IQGAP2: variants seen among roughly 807,000 people sequenced by gnomAD.
IQGAP2 encodes IQ motif containing GTPase activating protein 2, also known as ras GTPase-activating-like protein IQGAP2.
In IQGAP2, 173 loss-of-function variants were observed where a neutral mutation model predicts 201.3. The observed-to-expected ratio is 0.86, with a 90% CI of 0.76 to 0.98. The LOEUF (loss-of-function observed/expected upper bound fraction) is 0.98, where lower values mean the gene tolerates loss of function less well. Ranked by LOEUF, IQGAP2 falls within the 50% of genes least tolerant of loss-of-function variation. The pLI is 0.00. For missense variants in IQGAP2, 1,687 were observed against 1,864.8 expected (o/e 0.90, Z 1.76); for synonymous variants, 675 against 673.9 (o/e 1.00, Z -0.03).
intron 32 of IQGAP2, 67 bp downstream of exon 32, chr5:76,695,733 G>A: frequency 7.7e-7 from 1 of 1,304,864 alleles, no homozygotes; most frequent in Non-Finnish European, 1.1e-6. Flanking sequence ...GTCAAGTGCT[G>A]GGCACTCTGT....
chr5:76,536,065 CTTTT>C (rs545584812), intron 2 of IQGAP2, among the ~76,000 whole-genome samples: 2 of 123,732 alleles, frequency 1.6e-5, no homozygotes, highest in Non-Finnish European at 3.2e-5. Flanking sequence ...GGAGCATATT[CTTTT>C]TTTTTTTTTT....
intron 2 of IQGAP2, among the ~76,000 whole-genome samples, chr5:76,517,235 A>G (rs1758384736): frequency 6.6e-6 from 1 of 152,148 alleles, no homozygotes; most frequent in Non-Finnish European, 1.5e-5. Context: ...TTTATATATC[A>G]TCAGATACAT....
In IQGAP2 at chr5:76,546,728, C is replaced by T. The variant is rs114355286; in HGVS notation, c.147-15668C>T. Reference sequence around the variant, plus strand: ...GTGGGCAACACTGCCTTGGTCTTGCCGCTTGCACTGTGAACTGTAACTACG... The same window carrying T: ...GTGGGCAACACTGCCTTGGTCTTGCTGCTTGCACTGTGAACTGTAACTACG... On this transcript the variant is annotated intron_variant, in intron 2 of 35. Coordinates refer to ENST00000274364, the MANE Select transcript of IQGAP2 (RefSeq NM_006633.5). Among the ~76,000 whole-genome samples, 447 of 152,234 alleles carry T rather than the reference C, an allele frequency of 2.9e-3. 1 individual carries two copies. The highest frequency in any genetic ancestry group is 0.01 in the African/African-American group (424 of 41,518).
intron 11 of IQGAP2, among the ~76,000 whole-genome samples, chr5:76,604,883 C>T (rs1747691091): frequency 1.3e-5 from 2 of 152,224 alleles, no homozygotes; most frequent in African/African-American, 2.4e-5. Flanking sequence ...ATGGAAGACA[C>T]CGCATGTCAC....
chr5:76,452,734 T>C (rs928313733), intron 1 of IQGAP2, among the ~76,000 whole-genome samples: 2 of 152,270 alleles, frequency 1.3e-5, no homozygotes, highest in East Asian at 1.9e-4. Flanking sequence ...TGCAGGGAGA[T>C]AGTGGCACTT....
At chr5:76,450,860 T>C (rs1258849027) in intron 1 of IQGAP2, among the ~76,000 whole-genome samples, 1 of 152,214 alleles carries the variant, frequency 6.6e-6, no homozygotes, top group African/African-American at 2.4e-5. Context: ...GACTGTATTG[T>C]CAACATATCC....
At chr5:76,526,410 A>C (rs1758977616) in intron 2 of IQGAP2, among the ~76,000 whole-genome samples, 1 of 152,218 alleles carries the variant, frequency 6.6e-6, no homozygotes, top group Non-Finnish European at 1.5e-5. Context: ...CTTTACCTTT[A>C]GATTTTCTTA....
intron 26 of IQGAP2, 35 bp downstream of exon 26, chr5:76,674,071 C>T (rs1339791001): frequency 8.6e-7 from 1 of 1,165,628 alleles, no homozygotes; most frequent in Non-Finnish European, 1.3e-6. Flanking sequence ...CATAGCTTCT[C>T]CTGGGGGTAT....
At chr5:76,588,873 A>G (rs773999780) in intron 5 of IQGAP2, 33 bp from the exon 6 acceptor site, 1 of 1,338,748 alleles carries the variant, frequency 7.5e-7, no homozygotes, top group South Asian at 1.2e-5. Context: ...ATGATGATAA[A>G]ATTTCTGATA....
rs866148017 is a variant in IQGAP2 at position 76,403,582 on chromosome 5, C to T, written c.37C>T (p.Arg13Cys). The T allele has an allele frequency of 5.2e-6, 8 of 1,542,234 alleles. No individual in the cohort carries two copies. The highest frequency in any genetic ancestry group is 7.0e-6 in the Non-Finnish European group (8 of 1,149,362). ...AGAGCTGCCGTCGCTGCAGAGACCCCGCTATGGCTGTAAGTGCGCCGGGCG... is the reference window on the plus strand; with the variant it reads ...AGAGCTGCCGTCGCTGCAGAGACCCTGCTATGGCTGTAAGTGCGCCGGGCG... ...HEELPSLQRPRYGSIVDDERL... is the reference protein window; with the variant it reads ...HEELPSLQRPCYGSIVDDERL... Residue 13 changes from arginine to cysteine, a missense_variant, in exon 1 of 36, where the codon CGC (arginine) becomes TGC (cysteine). Transcript: ENST00000274364. This position sits in a 1 kb window ranked among gnomAD's most constrained non-coding sequence, Gnocchi z 4.8.
At chr5:76,474,563 T>G (rs911419519) in intron 2 of IQGAP2, among the ~76,000 whole-genome samples, 1 of 152,118 alleles carries the variant, frequency 6.6e-6, no homozygotes, top group Admixed American at 6.5e-5. Flanking sequence ...TGTCCCTGGG[T>G]TGCTTTTTTG....
chr5:76,574,585 T>C (rs1745343228), intron 4 of IQGAP2, among the ~76,000 whole-genome samples: 1 of 152,228 alleles, frequency 6.6e-6, no homozygotes, highest in African/African-American at 2.4e-5. Context: ...CTGTTTCTTA[T>C]CAGGCTATTA....
intron 13 of IQGAP2, among the ~76,000 whole-genome samples, chr5:76,613,005 G>C (rs563086396): frequency 6.6e-6 from 1 of 152,270 alleles, no homozygotes; most frequent in South Asian, 2.1e-4. Context: ...TATCCCCCAT[G>C]GTGGCGCCCT....
chr5:76,493,339 T>C (rs1368030855), intron 2 of IQGAP2, among the ~76,000 whole-genome samples: 2 of 145,668 alleles, frequency 1.4e-5, no homozygotes, highest in African/African-American at 2.6e-5. Context: ...CACACTGGCC[T>C]CCTTGCTGTT....
At position 76,611,202 on chromosome 5, in the gene IQGAP2, G is replaced by T. The variant is rs1748378218; in HGVS notation, c.1521+19G>T. On this transcript the variant is annotated intron_variant, in intron 13 of 35. Coordinates refer to ENST00000274364, the MANE Select transcript of IQGAP2 (RefSeq NM_006633.5). The stretch of plus-strand genomic sequence containing the variant: ...ACTCGGAGTAAGTTTTAGTATATCT[G>T]TTTCTTTTAAATTTTACAGGCTGGG... 6.3e-7 allele frequency: 1 copy of T among 1,588,018 alleles called. No individual in the cohort carries two copies.
chr5:76,528,717 G>A (rs941010156), intron 2 of IQGAP2, among the ~76,000 whole-genome samples: 1 of 152,182 alleles, frequency 6.6e-6, no homozygotes, highest in African/African-American at 2.4e-5. Flanking sequence ...CGACTCTAGG[G>A]TCATTCGTGG....
At chr5:76,650,071 C>G (rs1428320955) in intron 17 of IQGAP2, among the ~76,000 whole-genome samples, 1 of 152,228 alleles carries the variant, frequency 6.6e-6, no homozygotes, top group Non-Finnish European at 1.5e-5. Context: ...TGCATCAAGG[C>G]CCTGGGCCCA....
At chr5:76,525,609 T>A (rs1000459647) in intron 2 of IQGAP2, among the ~76,000 whole-genome samples, 2 of 152,186 alleles carry the variant, frequency 1.3e-5, no homozygotes, top group African/African-American at 4.8e-5. Context: ...CCAGTAGTTC[T>A]CATATTTTCT....
chr5:76,404,533 T>C, intron 1 of IQGAP2: 1 of 982,480 alleles, frequency 1.0e-6, no homozygotes, highest in Non-Finnish European at 1.2e-6. Context: ...GTGGCAGAGG[T>C]ACCAGGTTTG....
Sources: gnomAD v4.1 joint callset for allele counts (sites outside exome capture counted in the v4.1 genomes callset) on GRCh38, gnomAD v4.1.1 for gene constraint, Gnocchi (gnomAD v3.1) non-coding constraint, MANE v1.5 for transcripts, NCBI Gene and HGNC (gene_info 2026-07-23, HGNC 2026-07-21) for gene names.